Variants in PAK1 observed in about 807,000 individuals in gnomAD.
PAK1 encodes serine/threonine-protein kinase PAK 1.
A neutral mutation model predicts 67.4 loss-of-function variants in PAK1; 29 were observed. The observed-to-expected ratio is 0.43, with a 90% CI of 0.32 to 0.59. The LOEUF (loss-of-function observed/expected upper bound fraction) is 0.59. Among genes scored for constraint, PAK1 ranks in the 20% least tolerant of loss-of-function variants. The pLI, the probability that PAK1 is intolerant of heterozygous loss-of-function variation, is 0.07. For synonymous variants in PAK1, 223 were observed against 237.4 expected (o/e 0.94, Z 0.56); for missense variants, 337 against 670.7 (o/e 0.50, Z 5.50).
chr11:77,413,864 G>A (rs1427529770), intron 1 of PAK1, among the ~76,000 whole-genome samples: 1 of 151,980 alleles, frequency 6.6e-6, no homozygotes, highest in African/African-American at 2.4e-5. Context: ...ATTTACACAG[G>A]GTGAATGAGA....
At chr11:77,444,052 C>A (rs1956481953) in intron 1 of PAK1, among the ~76,000 whole-genome samples, 1 of 152,066 alleles carries the variant, frequency 6.6e-6, no homozygotes, top group East Asian at 1.9e-4. Flanking sequence ...AAAAAGAATT[C>A]CAGTGACTTA....
intron 5 of PAK1, among the ~76,000 whole-genome samples, chr11:77,362,395 T>C (rs1041857661): frequency 6.6e-6 from 1 of 152,162 alleles, no homozygotes; most frequent in Middle Eastern, 3.2e-3. Context: ...CTTTTTTCTT[T>C]TTCTTCTTCA....
chr11:77,428,357 A>G (rs1955665494), intron 1 of PAK1, among the ~76,000 whole-genome samples: 1 of 152,058 alleles, frequency 6.6e-6, no homozygotes, highest in South Asian at 2.1e-4. Context: ...AGGTCGGGAG[A>G]TCGAGACCAT....
chr11:77,528,732 T>C, the PAK1 span, among the ~76,000 whole-genome samples: 1 of 152,226 alleles, frequency 6.6e-6, no homozygotes, highest in Admixed American at 6.5e-5. Context: ...AATTGAGTCA[T>C]GTGTCTTGGA....
chr11:77,365,781 C>A (rs868491097), intron 5 of PAK1, among the ~76,000 whole-genome samples: 12 of 151,864 alleles, frequency 7.9e-5, no homozygotes, highest in African/African-American at 2.7e-4. Flanking sequence ...TGCAGTGAAC[C>A]AAGATCGCAC....
chr11:77,445,171 G>C (rs564102835), intron 1 of PAK1, among the ~76,000 whole-genome samples: 1 of 152,156 alleles, frequency 6.6e-6, no homozygotes, highest in African/African-American at 2.4e-5. Context: ...TTAGGTGAAA[G>C]GACAAAGGGA....
At chr11:77,363,042 A>G (rs1441168167) in intron 5 of PAK1, among the ~76,000 whole-genome samples, 1 of 152,188 alleles carries the variant, frequency 6.6e-6, no homozygotes, top group Non-Finnish European at 1.5e-5. Flanking sequence ...TCAGGTTTTT[A>G]ACAGGCCAGT....
At chr11:77,367,999 A>G (rs1947844466) in intron 5 of PAK1, among the ~76,000 whole-genome samples, 1 of 152,206 alleles carries the variant, frequency 6.6e-6, no homozygotes, top group Non-Finnish European at 1.5e-5. Context: ...ACAAACAAAA[A>G]GGTCCAAGAT....
intron 1 of PAK1, among the ~76,000 whole-genome samples, chr11:77,459,841 C>G (rs1263074453): frequency 2.6e-5 from 4 of 151,974 alleles, no homozygotes; most frequent in South Asian, 2.1e-4. Flanking sequence ...GGACTACAGG[C>G]GCCCGCCACC....
At chr11:77,508,987 C>A in the PAK1 span, among the ~76,000 whole-genome samples, 1 of 138,650 alleles carries the variant, frequency 7.2e-6, no homozygotes, top group African/African-American at 2.5e-5. Context: ...GAGCCAGCAT[C>A]TGGCCGGGCG....
intron 4 of PAK1, among the ~76,000 whole-genome samples, chr11:77,378,828 T>A (rs1274740163): frequency 1.3e-5 from 2 of 152,198 alleles, no homozygotes; most frequent in South Asian, 4.1e-4. Context: ...CCTCAAGCGA[T>A]CCTCTTGCCT....
At chr11:77,495,272 G>A in the PAK1 span, among the ~76,000 whole-genome samples, 2 of 151,666 alleles carry the variant, frequency 1.3e-5, no homozygotes, top group Non-Finnish European at 2.9e-5. Context: ...TCAGGAGTTC[G>A]AGACCAGCCT....
At chr11:77,487,135 G>A in the PAK1 span, among the ~76,000 whole-genome samples, 2 of 151,936 alleles carry the variant, frequency 1.3e-5, no homozygotes, top group Non-Finnish European at 2.9e-5. Flanking sequence ...TAGGGCAACA[G>A]GTAGAATCCT....
chr11:77,484,440 G>T, the PAK1 span, among the ~76,000 whole-genome samples: 1 of 152,200 alleles, frequency 6.6e-6, no homozygotes, highest in Non-Finnish European at 1.5e-5. Context: ...TGTATTCTAA[G>T]CTCGTTTTAG....
intron 2 of PAK1, among the ~76,000 whole-genome samples, chr11:77,391,975 T>C (rs569433033): frequency 6.6e-6 from 1 of 152,218 alleles, no homozygotes; most frequent in Non-Finnish European, 1.5e-5. Flanking sequence ...ACATTTCCAA[T>C]TGAAACTAAC....
At chr11:77,424,005 T>C (rs1006027803) in intron 1 of PAK1, among the ~76,000 whole-genome samples, 1 of 152,082 alleles carries the variant, frequency 6.6e-6, no homozygotes, top group Non-Finnish European at 1.5e-5. Flanking sequence ...CTCACAAAAT[T>C]TGGTGAAGGT....
intron 5 of PAK1, among the ~76,000 whole-genome samples, chr11:77,369,402 C>A (rs1948082466): frequency 6.7e-6 from 1 of 149,594 alleles, no homozygotes; most frequent in African/African-American, 2.4e-5. Flanking sequence ...TATTAATTCC[C>A]TATTCACTTA....
At chr11:77,435,494 CTTTT>C (rs199613170) in intron 1 of PAK1, among the ~76,000 whole-genome samples, 13 of 141,330 alleles carry the variant, frequency 9.2e-5, no homozygotes, top group Admixed American at 7.8e-4. Context: ...CATATTTTCT[CTTTT>C]TTTTTTTTTT....
intron 1 of PAK1, among the ~76,000 whole-genome samples, chr11:77,458,433 T>G (rs994439517): frequency 1.3e-5 from 2 of 152,208 alleles, no homozygotes; most frequent in African/African-American, 4.8e-5. Context: ...GTTATGTCAT[T>G]ACCCACATTA....
Sources: allele counts gnomAD v4.1 joint callset (sites outside exome capture counted in the v4.1 genomes callset), GRCh38; gene constraint gnomAD v4.1.1; transcripts MANE v1.5; gene names NCBI Gene and HGNC (gene_info 2026-07-23, HGNC 2026-07-21).